PRKCZ: variants seen among roughly 807,000 people sequenced by gnomAD.
PRKCZ encodes the protein protein kinase C zeta type.
Under a neutral mutation model 79.5 loss-of-function variants are expected in PRKCZ, and 33 were observed. The observed-to-expected ratio is 0.41, with a 90% CI of 0.31 to 0.55. PRKCZ has a LOEUF of 0.55. Among genes scored for constraint, PRKCZ ranks in the 20% least tolerant of loss-of-function variants. PRKCZ has a pLI of 0.19. For missense variants in PRKCZ, 578 were observed against 813.5 expected (o/e 0.71, Z 3.52); for synonymous variants, 342 against 320.9 (o/e 1.07, Z -0.70).
At chr1:2,147,375 CTCTA>C (rs139029165) in intron 7 of PRKCZ, among the ~76,000 whole-genome samples, 5,433 of 151,204 alleles carry the variant, frequency 0.036, 137 homozygotes, top group Non-Finnish European at 0.056. Flanking sequence ...CCACTGACCT[CTCTA>C]TCTATCCATC....
intron 4 of PRKCZ, among the ~76,000 whole-genome samples, chr1:2,102,817 T>C (rs1194096206): frequency 6.6e-6 from 1 of 152,112 alleles, no homozygotes; most frequent in African/African-American, 2.4e-5. Context: ...CCCAGAAACC[T>C]AGGGGCTGGA....
At chr1:2,096,420 C>T (rs150968435) in intron 4 of PRKCZ, among the ~76,000 whole-genome samples, 1,587 of 152,180 alleles carry the variant, frequency 0.01, 9 homozygotes, top group Non-Finnish European at 0.017. Flanking sequence ...CCTCCCTTCT[C>T]TGGGCAGAGT....
chr1:2,125,812 C>T lies in PRKCZ; in HGVS notation c.335-9450C>T, dbSNP rs1237435787. On this transcript the variant is annotated intron_variant, in intron 4 of 17. Transcript: ENST00000378567. This position sits in a 1 kb window ranked among gnomAD's most constrained non-coding sequence, Gnocchi z 4.2. ...GGCTGTCCCTTGGGGGCCCACGCATCCTAGCCACGGCCTCCTCACGTCCAT... is the reference window on the plus strand; with the variant it reads ...GGCTGTCCCTTGGGGGCCCACGCATTCTAGCCACGGCCTCCTCACGTCCAT... 6.6e-6 allele frequency among the ~76,000 whole-genome samples: 1 copy of T among 152,242 alleles called. No homozygotes were observed. Among genetic ancestry groups the T allele is most frequent in the Admixed American group, 6.5e-5 (1 of 15,290 alleles).
intron 4 of PRKCZ, among the ~76,000 whole-genome samples, chr1:2,077,137 T>G (rs1662573753): frequency 6.6e-6 from 1 of 152,220 alleles, no homozygotes; most frequent in African/African-American, 2.4e-5. Flanking sequence ...TGAGCACGTC[T>G]GACGGGTGTG....
At chr1:2,136,799 T>C (rs1181821321) in intron 5 of PRKCZ, among the ~76,000 whole-genome samples, 1 of 152,134 alleles carries the variant, frequency 6.6e-6, no homozygotes, top group Non-Finnish European at 1.5e-5. Context: ...GTTGTGAGTC[T>C]TCTGGGGCTG....
At position 2,106,503 on chromosome 1, in the gene PRKCZ, AGGTAACTCTCAGCAAGCCCCTCTGGTG is replaced by A. The variant is rs1342975716; in HGVS notation, c.335-28756_335-28730del. 9.3e-4 allele frequency among the ~76,000 whole-genome samples: 91 copies of A among 97,820 alleles called. 2 individuals carry two copies. Among genetic ancestry groups the A allele is most frequent in the Non-Finnish European group, 1.2e-3 (57 of 48,552 alleles). The allele number at this position is 97,820 out of a possible 152,430, so 64.2% of individuals were successfully genotyped here. A position where few individuals can be genotyped will look rare whatever the true frequency, so the allele number is the denominator to read the frequency against. On this transcript the variant is annotated intron_variant, in intron 4 of 17. Coordinates refer to ENST00000378567, the MANE Select transcript of PRKCZ (RefSeq NM_002744.6). Reference sequence around the variant, plus strand: ...GGACCTCCACACGTGTCACCAGGCCAGGTAACTCTCAGCAAGCCCCTCTGGTGGGCGAGGACCTCCACACGTGTCACC... The same window carrying A: ...GGACCTCCACACGTGTCACCAGGCCAGGCGAGGACCTCCACACGTGTCACC...
intron 7 of PRKCZ, among the ~76,000 whole-genome samples, chr1:2,147,885 G>A (rs1678967826): frequency 6.6e-6 from 1 of 151,058 alleles, no homozygotes; most frequent in African/African-American, 2.4e-5. Context: ...TCTGTCTGTA[G>A]TCCACTGACC....
At chr1:2,180,652 G>T (rs570094485) in intron 16 of PRKCZ, among the ~76,000 whole-genome samples, 1 of 152,322 alleles carries the variant, frequency 6.6e-6, no homozygotes, top group South Asian at 2.1e-4. Context: ...ACACCCAGAT[G>T]ACATGGATGC....
chr1:2,085,567 G>A (rs893238818), intron 4 of PRKCZ, among the ~76,000 whole-genome samples: 1 of 152,216 alleles, frequency 6.6e-6, no homozygotes, highest in African/African-American at 2.4e-5. Context: ...CCCATGCAGC[G>A]CCACGCTGGA....
intron 4 of PRKCZ, among the ~76,000 whole-genome samples, chr1:2,060,356 G>A (rs1379852700): frequency 6.6e-6 from 1 of 152,260 alleles, no homozygotes; most frequent in Non-Finnish European, 1.5e-5. Context: ...GCTGGGTGTT[G>A]GCAGTGCCCT....
rs1422974018 is a variant in PRKCZ, at chr1:2,172,907, G to A, written c.1285+519G>A. ...GTGTGAAACGGGGACGTGGGCACGC[G>A]TGTGCAGCCGTGTGTGCGTGTGTGA... On this transcript the variant is annotated intron_variant, in intron 13 of 17. Coordinates refer to ENST00000378567, the MANE Select transcript of PRKCZ (RefSeq NM_002744.6). This position sits in a 1 kb window ranked among gnomAD's most constrained non-coding sequence, Gnocchi z 7.8. Among the ~76,000 whole-genome samples the A allele has an allele frequency of 1.3e-5, 2 of 152,136 alleles. No individual in the cohort carries two copies. The highest frequency in any genetic ancestry group is 2.9e-5 in the Non-Finnish European group (2 of 68,028).
chr1:2,164,113 T>C (rs1259394261), intron 10 of PRKCZ, among the ~76,000 whole-genome samples: 1 of 152,178 alleles, frequency 6.6e-6, no homozygotes, highest in Non-Finnish European at 1.5e-5. Flanking sequence ...CTGAATTCAA[T>C]TTGCTGATAT....
chr1:2,127,457 C>T lies in PRKCZ; in HGVS notation c.335-7805C>T, dbSNP rs1364021028. Among the ~76,000 whole-genome samples the T allele has an allele frequency of 6.6e-6, 1 of 151,988 alleles. No homozygotes were observed. The highest frequency in any genetic ancestry group is 1.5e-5 in the Non-Finnish European group (1 of 67,968). ...GATCCTCAGACGCCCCTCCCTGTGC[C>T]TTCTCACCCTCTGGTCCTGGCTGGG... On this transcript the variant is annotated intron_variant, in intron 4 of 17. Transcript: ENST00000378567. This position sits in a 1 kb window ranked among gnomAD's most constrained non-coding sequence, Gnocchi z 5.1.
At chr1:2,070,918 G>A (rs1018890974) in intron 4 of PRKCZ, among the ~76,000 whole-genome samples, 5 of 152,218 alleles carry the variant, frequency 3.3e-5, no homozygotes, top group South Asian at 2.1e-4. Flanking sequence ...CCCCTGGCCC[G>A]TCTGCCTCCC....
intron 4 of PRKCZ, among the ~76,000 whole-genome samples, chr1:2,133,120 C>T (rs1335842757): frequency 6.6e-6 from 1 of 152,224 alleles, no homozygotes; most frequent in Non-Finnish European, 1.5e-5. Flanking sequence ...ACTGATTGAA[C>T]TCGAAGGATG....
At chr1:2,115,473 C>T (rs1417820610) in intron 4 of PRKCZ, among the ~76,000 whole-genome samples, 1 of 152,218 alleles carries the variant, frequency 6.6e-6, no homozygotes, top group Non-Finnish European at 1.5e-5. Context: ...GTTTTCTGCA[C>T]CCACAGCCAC....
At chr1:2,155,052 A>AG (rs1161480326) in intron 9 of PRKCZ, among the ~76,000 whole-genome samples, 1 of 152,210 alleles carries the variant, frequency 6.6e-6, no homozygotes, top group African/African-American at 2.4e-5. Flanking sequence ...ATACCACCAG[A>AG]GGCCAGCATA....
chr1:2,119,775 A>C (rs192605462), intron 4 of PRKCZ, among the ~76,000 whole-genome samples: 47 of 134,182 alleles, frequency 3.5e-4, no homozygotes, highest in African/African-American at 1.3e-3. Context: ...AATTCTTTTT[A>C]TTTCTTTTCT....
At chr1:2,145,267 G>A (rs1678261416) in intron 6 of PRKCZ, 1 of 152,224 alleles carries the variant, frequency 6.6e-6, no homozygotes, top group Admixed American at 6.5e-5. Flanking sequence ...TCAGCTAGAG[G>A]CGGAGGGAGG....
Sources: allele counts gnomAD v4.1 joint callset (sites outside exome capture counted in the v4.1 genomes callset), GRCh38; gene constraint gnomAD v4.1.1; non-coding constraint Gnocchi (gnomAD v3.1); transcripts MANE v1.5; gene names NCBI Gene and HGNC (gene_info 2026-07-23, HGNC 2026-07-21).